Variants in PLEKHM3 observed in about 807,000 individuals in gnomAD.
PLEKHM3 encodes the protein pleckstrin homology domain-containing family M member 3.
A neutral mutation model predicts 81.8 loss-of-function variants in PLEKHM3; 45 were observed. The observed-to-expected ratio is 0.55, with a 90% CI of 0.43 to 0.71. The LOEUF is 0.71. PLEKHM3 is among the 30% of genes least tolerant of loss of function. The probability of loss-of-function intolerance (pLI) is 0.00; values close to 1 mark genes in which losing one functional copy is unlikely to be tolerated. For missense variants in PLEKHM3, 788 were observed against 924.3 expected (o/e 0.85, Z 1.91); for synonymous variants, 352 against 356.4 (o/e 0.99, Z 0.14).
chr2:207,969,434 G>A (rs1250700346), intron 3 of PLEKHM3, among the ~76,000 whole-genome samples: 5 of 152,196 alleles, frequency 3.3e-5, no homozygotes, highest in Non-Finnish European at 7.3e-5. Flanking sequence ...AAGGATGCTT[G>A]TATTGCTAGG....
chr2:207,833,505 T>G (rs1402837681), intron 7 of PLEKHM3, among the ~76,000 whole-genome samples: 2 of 152,164 alleles, frequency 1.3e-5, no homozygotes, highest in African/African-American at 4.8e-5. Context: ...TTTTTTTTTT[T>G]CTTGAAAACA....
chr2:207,843,183 C>T lies in PLEKHM3; in HGVS notation c.2109-14687G>A, dbSNP rs992137019. Among the ~76,000 whole-genome samples the T allele has an allele frequency of 6.6e-6, 1 of 152,148 alleles. No individual in the cohort carries two copies. The highest frequency in any genetic ancestry group is 6.5e-5 in the Admixed American group (1 of 15,284). On this transcript the variant is annotated intron_variant, in intron 7 of 7. Coordinates refer to ENST00000427836, the MANE Select transcript of PLEKHM3 (RefSeq NM_001080475.3). The surrounding 1 kb of genome is among the most constrained non-coding windows in gnomAD (Gnocchi z 4.4). The stretch of plus-strand genomic sequence containing the variant: ...CAGGCTGGTCTCAAACTCCTAGGCT[C>T]AAGTGATCTGCCTGTCTCAGCCTCC...
At chr2:208,017,048 T>C (rs967704795) in intron 1 of PLEKHM3, among the ~76,000 whole-genome samples, 3 of 152,180 alleles carry the variant, frequency 2.0e-5, no homozygotes, top group African/African-American at 7.2e-5. Context: ...ATCCTCTCAT[T>C]TGGTGGAGTC....
Position 207,865,799 on chromosome 2 carries a change from A to ATATAT in PLEKHM3, c.1951-4538_1951-4537insATATA, listed in dbSNP as rs1227503454. ...TCCGACTCAAAAAAAAAAAAAAAAA[A>ATATAT]AAAGATATATATATATATATATATA... On this transcript the variant is annotated intron_variant, in intron 6 of 7. Transcript: ENST00000427836. Among the ~76,000 whole-genome samples, 15 of 35,088 alleles carry ATATAT rather than the reference A, an allele frequency of 4.3e-4. 1 individual carries two copies. Among genetic ancestry groups the ATATAT allele is most frequent in the African/African-American group, 2.3e-3 (13 of 5,548 alleles). The allele number at this position is 35,088 out of a possible 152,430, so 23.0% of individuals were successfully genotyped here.
At chr2:207,956,990 AAG>A (rs764454572) in intron 3 of PLEKHM3, among the ~76,000 whole-genome samples, 106 of 152,136 alleles carry the variant, frequency 7.0e-4, no homozygotes, top group Non-Finnish European at 1.2e-3. Flanking sequence ...GGAAGAAAGA[AAG>A]AGAAGGAGAT....
intron 5 of PLEKHM3, among the ~76,000 whole-genome samples, chr2:207,912,078 C>T (rs151029901): frequency 3.3e-4 from 51 of 152,264 alleles, no homozygotes; most frequent in Non-Finnish European, 5.7e-4. Flanking sequence ...AATAAGGCAT[C>T]GTGCTACGTG....
intron 3 of PLEKHM3, among the ~76,000 whole-genome samples, chr2:207,952,451 C>T (rs544716053): frequency 4.6e-5 from 7 of 152,256 alleles, no homozygotes; most frequent in South Asian, 2.1e-4. Flanking sequence ...CAAGGACTTG[C>T]TATTTTACAA....
intron 6 of PLEKHM3, among the ~76,000 whole-genome samples, chr2:207,866,516 G>C (rs900889953): frequency 1.3e-5 from 2 of 152,100 alleles, no homozygotes; most frequent in African/African-American, 4.8e-5. Context: ...AAATTATATT[G>C]AGTTACTATG....
In PLEKHM3 at chr2:207,872,003, A is replaced by G. The variant is rs2092537398; in HGVS notation, c.1951-10741T>C. 2.0e-5 allele frequency among the ~76,000 whole-genome samples: 3 copies of G among 152,154 alleles called. No individual in the cohort carries two copies. The South Asian group carries it at 6.2e-4, about 32-fold the overall frequency. ...TGAGCAGTAAATGAGGAAAAGTTCT[A>G]AGCAGACTTTTTAACTCACCTTCGT... On this transcript the variant is annotated intron_variant, in intron 6 of 7. Coordinates refer to ENST00000427836, the MANE Select transcript of PLEKHM3 (RefSeq NM_001080475.3).
intron 5 of PLEKHM3, among the ~76,000 whole-genome samples, chr2:207,924,748 G>A (rs1689329806): frequency 6.6e-6 from 1 of 152,094 alleles, no homozygotes; most frequent in Admixed American, 6.6e-5. Flanking sequence ...CCTGAGAAAG[G>A]GGCACCTTCT....
rs151261618 is a variant in PLEKHM3 at position 208,021,461 on chromosome 2, ATAATT to A, written c.-319+3923_-319+3927del. Among the ~76,000 whole-genome samples the A allele has an allele frequency of 4.3e-3, 650 of 152,308 alleles. 7 individuals carry two copies. The highest frequency in any genetic ancestry group is 0.015 in the African/African-American group (610 of 41,564). On this transcript the variant is annotated intron_variant, in intron 1 of 7. Coordinates refer to ENST00000427836, the MANE Select transcript of PLEKHM3 (RefSeq NM_001080475.3). ...AACTTTATTTTCAATCTTTTCAATT[ATAATT>A]TGTTTTCTATATCTTGTTTTCTTTA...
intron 6 of PLEKHM3, among the ~76,000 whole-genome samples, chr2:207,862,417 G>A (rs1378004982): frequency 6.6e-6 from 1 of 151,948 alleles, no homozygotes; most frequent in Non-Finnish European, 1.5e-5. Context: ...CAGACAGATT[G>A]CCTGAGGTTA....
rs148615894 is a variant in PLEKHM3 at position 207,983,966 on chromosome 2, C to A, written c.611-6380G>T. Among the ~76,000 whole-genome samples the A allele has an allele frequency of 1.1e-4, 16 of 152,306 alleles. No individual in the cohort carries two copies. In the East Asian group the frequency reaches 3.1e-3, roughly 29 times the overall value. ...TCTGGGTATCTCACAGTCCCTCTCA[C>A]GTCCCTCCTCAGGCTAACACTCTTC... On this transcript the variant is annotated intron_variant, in intron 2 of 7. Transcript: ENST00000427836.
chr2:207,850,862 G>A (rs1294901714), intron 7 of PLEKHM3, among the ~76,000 whole-genome samples: 1 of 152,120 alleles, frequency 6.6e-6, no homozygotes, highest in Non-Finnish European at 1.5e-5. Flanking sequence ...TTAAAAGTTA[G>A]AGCCCTTCCT....
chr2:207,995,829 T>C (rs1299650449), intron 2 of PLEKHM3, among the ~76,000 whole-genome samples: 1 of 152,230 alleles, frequency 6.6e-6, no homozygotes, highest in Non-Finnish European at 1.5e-5. Context: ...ACTGTTAATC[T>C]GGTTCATGTA....
chr2:207,832,371 G>C (rs149440140), intron 7 of PLEKHM3, among the ~76,000 whole-genome samples: 1 of 152,152 alleles, frequency 6.6e-6, no homozygotes, highest in Non-Finnish European at 1.5e-5. Context: ...AAGGGAAATT[G>C]TTCTCTTACA....
chr2:207,930,910 G>A lies in PLEKHM3; in HGVS notation c.1886+16C>T. ...AGAAAAACAAACGGGAGCCGTCTGAGATTTATGACTCTTACCTGCGGCGGA... is the reference window on the plus strand; with the variant it reads ...AGAAAAACAAACGGGAGCCGTCTGAAATTTATGACTCTTACCTGCGGCGGA... On this transcript the variant is annotated intron_variant, in intron 5 of 7. Transcript: ENST00000427836. 1 of 1,609,582 alleles carries A rather than the reference G, an allele frequency of 6.2e-7. No individual in the cohort carries two copies. The highest frequency in any genetic ancestry group is 8.5e-7 in the Non-Finnish European group (1 of 1,177,010).
intron 6 of PLEKHM3, chr2:207,901,084 G>C (rs188234821): frequency 6.1e-5 from 36 of 593,000 alleles, no homozygotes; most frequent in South Asian, 4.9e-4. Context: ...TGAGGGGCTC[G>C]AGTTGGCTCC....
intron 5 of PLEKHM3, among the ~76,000 whole-genome samples, chr2:207,919,224 G>C (rs1342998594): frequency 6.6e-6 from 1 of 152,152 alleles, no homozygotes; most frequent in African/African-American, 2.4e-5. Flanking sequence ...AACTAAGGTA[G>C]CAGCCAGCTT....
Sources: gnomAD v4.1 joint callset for allele counts (sites outside exome capture counted in the v4.1 genomes callset) on GRCh38, gnomAD v4.1.1 for gene constraint, Gnocchi (gnomAD v3.1) non-coding constraint, MANE v1.5 for transcripts, NCBI Gene and HGNC (gene_info 2026-07-23, HGNC 2026-07-21) for gene names.